NRXN3: variants seen among roughly 807,000 people sequenced by gnomAD.
NRXN3 encodes neurexin 3.
A neutral mutation model predicts 137.6 loss-of-function variants in NRXN3; 32 were observed. The ratio of observed to expected loss-of-function variants is 0.23; its 90% CI spans 0.18 to 0.31. NRXN3 has a LOEUF of 0.31. Ranked by LOEUF, NRXN3 falls within the 10% of genes least tolerant of loss-of-function variation. The probability of loss-of-function intolerance (pLI) is 1.00; values close to 1 mark genes in which losing one functional copy is unlikely to be tolerated. For synonymous variants in NRXN3, 798 were observed against 784.5 expected, an observed-to-expected ratio of 1.02 and a Z score of -0.29; for missense variants, 1,574 against 2,062.5, an observed-to-expected ratio of 0.76 and a Z score of 4.59.
At chr14:78,931,131 A>C (rs1266090503) in intron 10 of NRXN3, among the ~76,000 whole-genome samples, 3 of 152,220 alleles carry the variant, frequency 2.0e-5, no homozygotes, top group African/African-American at 7.2e-5. Context: ...GATTCACAAC[A>C]TGAATTTTTT....
intron 3 of NRXN3, among the ~76,000 whole-genome samples, chr14:78,281,693 C>T (rs1037581752): frequency 6.6e-5 from 10 of 152,216 alleles, no homozygotes; most frequent in Non-Finnish European, 1.5e-4. Flanking sequence ...CCAGCTCTGA[C>T]ATTCTCTTAA....
chr14:79,294,319 C>G (rs936184030), intron 15 of NRXN3, among the ~76,000 whole-genome samples: 2 of 152,186 alleles, frequency 1.3e-5, no homozygotes. Context: ...ATGTTATCAA[C>G]TCATTCAATA....
At chr14:79,788,775 A>G (rs960691556) in intron 19 of NRXN3, among the ~76,000 whole-genome samples, 3 of 152,220 alleles carry the variant, frequency 2.0e-5, no homozygotes, top group African/African-American at 4.8e-5. Flanking sequence ...GTGTGATTCC[A>G]AGAAACTATT....
intron 16 of NRXN3, among the ~76,000 whole-genome samples, chr14:79,516,266 C>A (rs1334376484): frequency 6.6e-6 from 1 of 152,164 alleles, no homozygotes; most frequent in Non-Finnish European, 1.5e-5. Flanking sequence ...TGGCAATAAG[C>A]CACTTGAATT....
chr14:79,804,925 A>G (rs1476546801), intron 19 of NRXN3, among the ~76,000 whole-genome samples, 187 bp from the exon 20 acceptor site: 1 of 152,190 alleles, frequency 6.6e-6, no homozygotes, highest in East Asian at 1.9e-4. Flanking sequence ...CTAGACCCAG[A>G]GTCATTCTCA....
chr14:79,493,125 G>T (rs1683891150), intron 16 of NRXN3, among the ~76,000 whole-genome samples: 1 of 152,188 alleles, frequency 6.6e-6, no homozygotes, highest in Non-Finnish European at 1.5e-5. Context: ...GCATTGTGAA[G>T]ATTTTTAAAT....
chr14:78,233,761 T>G (rs2153441430), intron 1 of NRXN3, among the ~76,000 whole-genome samples: 2 of 151,778 alleles, frequency 1.3e-5, no homozygotes, highest in East Asian at 1.9e-4. Flanking sequence ...ATTGCCTGTG[T>G]TAGCCCAAAC....
chr14:78,717,549 T>A (rs545377618), intron 8 of NRXN3, among the ~76,000 whole-genome samples: 2 of 151,768 alleles, frequency 1.3e-5, no homozygotes, highest in Non-Finnish European at 2.9e-5. Context: ...ATCAGTGGAG[T>A]GTAAAAATTA....
At chr14:78,189,871 C>T (rs1429719476) in intron 1 of NRXN3, among the ~76,000 whole-genome samples, 1 of 152,182 alleles carries the variant, frequency 6.6e-6, no homozygotes, top group African/African-American at 2.4e-5. Context: ...ATAGATGAGC[C>T]TCATTGTGGA....
At chr14:79,660,483 A>G (rs1367348319) in intron 16 of NRXN3, among the ~76,000 whole-genome samples, 5 of 152,186 alleles carry the variant, frequency 3.3e-5, no homozygotes, top group African/African-American at 1.2e-4. Context: ...CACTGATTAC[A>G]ATGGCAAATG....
At chr14:79,320,484 C>A (rs1415682409) in intron 15 of NRXN3, among the ~76,000 whole-genome samples, 1 of 152,166 alleles carries the variant, frequency 6.6e-6, no homozygotes, top group Non-Finnish European at 1.5e-5. Context: ...AAAACTTCCT[C>A]ATTCTTCCTG....
At chr14:79,698,054 C>A in intron 19 of NRXN3, 117 bp downstream of exon 19, 3 of 914,748 alleles carry the variant, frequency 3.3e-6, no homozygotes, top group Non-Finnish European at 3.3e-6. Context: ...AGGATGCTGG[C>A]AGATACTCAT....
intron 16 of NRXN3, among the ~76,000 whole-genome samples, chr14:79,562,631 T>G (rs549686292): frequency 3.3e-5 from 5 of 152,314 alleles, no homozygotes; most frequent in Admixed American, 3.3e-4. Context: ...AAAAGTACTT[T>G]GAAGTCCCAC....
chr14:79,413,317 A>G (rs1046069959), intron 15 of NRXN3, among the ~76,000 whole-genome samples: 1 of 152,160 alleles, frequency 6.6e-6, no homozygotes, highest in African/African-American at 2.4e-5. Context: ...TGGAGGCTGC[A>G]CAAGTAAATT....
intron 19 of NRXN3, among the ~76,000 whole-genome samples, chr14:79,775,813 G>T (rs986336130): frequency 6.6e-6 from 1 of 152,106 alleles, no homozygotes; most frequent in Non-Finnish European, 1.5e-5. Context: ...GTCTGATTTT[G>T]GGCATCTTGG....
At chr14:79,560,643 T>TAGGG (rs1370907759) in intron 16 of NRXN3, among the ~76,000 whole-genome samples, 1 of 150,154 alleles carries the variant, frequency 6.7e-6, no homozygotes, top group Non-Finnish European at 1.5e-5. Context: ...CCCAAATAGC[T>TAGGG]AGTACTACAG....
At chr14:79,424,074 T>G (rs2095619949) in intron 15 of NRXN3, among the ~76,000 whole-genome samples, 1 of 152,188 alleles carries the variant, frequency 6.6e-6, no homozygotes, top group Admixed American at 6.5e-5. Flanking sequence ...TCAAAGTGAT[T>G]GTATAAGAAA....
chr14:79,146,796 G>A (rs2153016370), intron 15 of NRXN3, among the ~76,000 whole-genome samples: 1 of 152,268 alleles, frequency 6.6e-6, no homozygotes, highest in South Asian at 2.1e-4. Context: ...CGGAAGGAAA[G>A]GAGAAGGACA....
chr14:78,888,944 G>C (rs1166822455), intron 10 of NRXN3, among the ~76,000 whole-genome samples: 1 of 151,514 alleles, frequency 6.6e-6, no homozygotes, highest in Non-Finnish European at 1.5e-5. Context: ...GTGTGACCTT[G>C]GGCAAGTCAC....
Sources: allele counts gnomAD v4.1 joint callset (sites outside exome capture counted in the v4.1 genomes callset), GRCh38; gene constraint gnomAD v4.1.1; transcripts MANE v1.5; gene names NCBI Gene and HGNC (gene_info 2026-07-23, HGNC 2026-07-21).